The following VRK2 variants were observed in gnomAD, a reference collection of about 807,000 sequenced individuals.
VRK2 encodes serine/threonine-protein kinase VRK2.
Under a neutral mutation model 57.6 loss-of-function variants are expected in VRK2, and 60 were observed. The observed-to-expected ratio is 1.04, with a 90% CI of 0.85 to 1.29. VRK2 has a LOEUF of 1.29. VRK2 is among the 50% of genes most tolerant of loss of function. The pLI is 0.00. For missense variants in VRK2, 705 were observed against 588.1 expected (o/e 1.20, Z -2.06); for synonymous variants, 231 against 199.2 (o/e 1.16, Z -1.35).
intron 9 of VRK2, chr2:58,132,141 T>G (rs1679296462): frequency 1.9e-6 from 1 of 537,012 alleles, no homozygotes. Flanking sequence ...TGAATTACAG[T>G]GCAAAATATA....
At chr2:57,950,394 A>G (rs1402292993) in intron 1 of VRK2, among the ~76,000 whole-genome samples, 1 of 152,208 alleles carries the variant, frequency 6.6e-6, no homozygotes, top group African/African-American at 2.4e-5. Flanking sequence ...GCCCTTAAGA[A>G]TCATGCTGAA....
intron 12 of VRK2, among the ~76,000 whole-genome samples, chr2:58,156,577 G>C (rs969225664): frequency 7.2e-6 from 1 of 139,118 alleles, no homozygotes; most frequent in African/African-American, 3.5e-5. Context: ...TTGGGTGGTG[G>C]TGTTTTTTTT....
At chr2:58,135,097 G>C (rs369034283) in intron 9 of VRK2, 44 bp from the exon 10 acceptor site, 7 of 1,601,594 alleles carry the variant, frequency 4.4e-6, no homozygotes, top group Non-Finnish European at 6.0e-6. Context: ...AATAATCACA[G>C]GGTTGAAAAC....
chr2:58,115,105 G>C (rs1453588233), intron 7 of VRK2, among the ~76,000 whole-genome samples: 1 of 152,156 alleles, frequency 6.6e-6, no homozygotes, highest in Non-Finnish European at 1.5e-5. Context: ...AGGCGGGCTA[G>C]TGGCTCGTAC....
chr2:58,151,619 C>G (rs1459396340), intron 12 of VRK2, among the ~76,000 whole-genome samples: 1 of 151,152 alleles, frequency 6.6e-6, no homozygotes, highest in East Asian at 1.9e-4. Flanking sequence ...TTTAATCTAC[C>G]ATTATGCAGT....
At chr2:57,986,827 G>A (rs1572939432) in intron 1 of VRK2, among the ~76,000 whole-genome samples, 1 of 152,130 alleles carries the variant, frequency 6.6e-6, no homozygotes, top group East Asian at 1.9e-4. Context: ...TCGAACTCCT[G>A]ACCTGAAGTG....
At chr2:58,078,372 A>G (rs1670416264) in intron 2 of VRK2, among the ~76,000 whole-genome samples, 1 of 152,078 alleles carries the variant, frequency 6.6e-6, no homozygotes, top group African/African-American at 2.4e-5. Flanking sequence ...CATTCCAAGT[A>G]TATGCCACCT....
intron 12 of VRK2, among the ~76,000 whole-genome samples, chr2:58,148,231 G>T (rs568099061): frequency 2.6e-5 from 4 of 151,896 alleles, no homozygotes; most frequent in African/African-American, 9.6e-5. Flanking sequence ...TTTCTAACAT[G>T]TGTATTAGTG....
chr2:57,933,362 G>C (rs1284576516), intron 1 of VRK2, among the ~76,000 whole-genome samples: 1 of 136,412 alleles, frequency 7.3e-6, no homozygotes, highest in African/African-American at 2.9e-5. Context: ...TGCCAGGCTG[G>C]AGTGCAGTGG....
At chr2:58,089,207 A>G (rs1672038020) in intron 6 of VRK2, among the ~76,000 whole-genome samples, 1 of 152,194 alleles carries the variant, frequency 6.6e-6, no homozygotes, top group Non-Finnish European at 1.5e-5. Context: ...TTGCTCATGG[A>G]CATGGCATTT....
chr2:58,026,918 G>A (rs777527321), intron 2 of VRK2: 6 of 150,302 alleles, frequency 4.0e-5, no homozygotes. Context: ...TTGTAGAGAT[G>A]GGATCTCACT....
At chr2:58,081,164 T>A (rs1670810193) in intron 2 of VRK2, among the ~76,000 whole-genome samples, 1 of 152,030 alleles carries the variant, frequency 6.6e-6, no homozygotes, top group Non-Finnish European at 1.5e-5. Context: ...ACAAGAATTT[T>A]TCTTCTCAGT....
intron 1 of VRK2, among the ~76,000 whole-genome samples, chr2:58,004,652 G>C (rs1673189565): frequency 6.6e-6 from 1 of 152,052 alleles, no homozygotes; most frequent in Non-Finnish European, 1.5e-5. Flanking sequence ...CCTCAATAAT[G>C]GTTAACTTTT....
intron 1 of VRK2, among the ~76,000 whole-genome samples, chr2:57,999,062 T>G (rs868383796): frequency 6.6e-6 from 1 of 150,836 alleles, no homozygotes; most frequent in African/African-American, 2.4e-5. Flanking sequence ...TTATAAGGTA[T>G]AAGGGGGTGG....
chr2:57,934,568 A>C (rs1670842637), intron 1 of VRK2, among the ~76,000 whole-genome samples: 1 of 152,164 alleles, frequency 6.6e-6, no homozygotes, highest in Admixed American at 6.5e-5. Context: ...GGTTGAAGCC[A>C]TTTGGGAATC....
intron 7 of VRK2, among the ~76,000 whole-genome samples, chr2:58,105,381 A>G (rs1573126227): frequency 2.0e-5 from 3 of 152,094 alleles, no homozygotes; most frequent in African/African-American, 7.2e-5. Flanking sequence ...AAAGATGGGC[A>G]AAAGACATGA....
chr2:58,143,980 T>C (rs1274685198), intron 11 of VRK2, among the ~76,000 whole-genome samples: 1 of 151,358 alleles, frequency 6.6e-6, no homozygotes, highest in Non-Finnish European at 1.5e-5. Flanking sequence ...TATGTATATA[T>C]GCACACATAT....
In VRK2 at chr2:58,159,674, T is replaced by C; in HGVS notation, c.1508T>C (p.Leu503Pro). ...CCTGTCCTTTTGATGTTAGTATTTCTTGCTTTATTTTTTCTCTGAAGATGA... is the reference window on the plus strand; with the variant it reads ...CCTGTCCTTTTGATGTTAGTATTTCCTGCTTTATTTTTTCTCTGAAGATGA... ...IIPVLLMLVFLALFFL is the reference protein window; with the variant it reads ...IIPVLLMLVFPALFFL Residue 503 changes from leucine to proline, a missense_variant, in exon 13 of 13, where the codon CTT becomes CCT. Coordinates refer to ENST00000340157, the MANE Select transcript of VRK2 (RefSeq NM_006296.7). 3 of 1,612,778 alleles carry C rather than the reference T, an allele frequency of 1.9e-6. No individual in the cohort carries two copies. The highest frequency in any genetic ancestry group is 2.2e-5 in the East Asian group (1 of 44,858).
rs371149437 is a variant in VRK2 at position 57,992,925 on chromosome 2, G to A, written c.-438-32740G>A. ...AATTCATGCTCTCTACAGCCAAAGT[G>A]CCTGCATTCTGATTTCATTTCTGAC... On this transcript the variant is annotated intron_variant, in intron 1 of 15. Transcript: ENST00000417641. Among the ~76,000 whole-genome samples the A allele has an allele frequency of 3.5e-4, 53 of 152,290 alleles. 1 individual carries two copies. In the South Asian group the frequency reaches 0.01, roughly 30 times the overall value.
Sources: allele counts gnomAD v4.1 joint callset (sites outside exome capture counted in the v4.1 genomes callset), GRCh38; gene constraint gnomAD v4.1.1; transcripts MANE v1.5; gene names NCBI Gene and HGNC (gene_info 2026-07-23, HGNC 2026-07-21).